HMG20A: variants seen among roughly 807,000 people sequenced by gnomAD.
HMG20A encodes high mobility group protein 20A.
In HMG20A, 17 loss-of-function variants were observed where a neutral mutation model predicts 43.9. The observed-to-expected ratio is 0.39, with a 90% CI of 0.27 to 0.58. The LOEUF is 0.58. Ranked by LOEUF, HMG20A falls within the 20% of genes least tolerant of loss-of-function variation. The pLI is 0.59. For missense variants in HMG20A, 341 were observed against 438.2 expected, an observed-to-expected ratio of 0.78 and a Z score of 1.98; for synonymous variants, 132 against 147.5, an observed-to-expected ratio of 0.89 and a Z score of 0.76.
chr15:77,508,997 GA>G, the HMG20A span, among the ~76,000 whole-genome samples: 1 of 152,196 alleles, frequency 6.6e-6, no homozygotes, highest in Non-Finnish European at 1.5e-5. Context: ...AGCAAAGATG[GA>G]TCGTGAACCT....
chr15:77,473,633 A>G (rs1595930456), intron 6 of HMG20A, among the ~76,000 whole-genome samples: 1 of 152,242 alleles, frequency 6.6e-6, no homozygotes, highest in African/African-American at 2.4e-5. Context: ...ATGTAGATTT[A>G]GTCTGTATCA....
intron 1 of HMG20A, among the ~76,000 whole-genome samples, chr15:77,443,113 A>G (rs2073631015): frequency 6.8e-6 from 1 of 147,306 alleles, no homozygotes; most frequent in Admixed American, 6.8e-5. Flanking sequence ...CATCACTGCA[A>G]CCTCCACCTC....
chr15:77,421,718 T>C (rs971681878), intron 1 of HMG20A, among the ~76,000 whole-genome samples: 1 of 152,256 alleles, frequency 6.6e-6, no homozygotes, highest in African/African-American at 2.4e-5. Flanking sequence ...TGAGGTTACC[T>C]TAACTGATAA....
chr15:77,448,743 A>T (rs921494563), intron 1 of HMG20A, among the ~76,000 whole-genome samples: 3 of 152,172 alleles, frequency 2.0e-5, no homozygotes, highest in Non-Finnish European at 4.4e-5. Flanking sequence ...TGAATGGATC[A>T]GTTTCTCTAT....
At chr15:77,432,845 G>A (rs1456033196) in intron 1 of HMG20A, among the ~76,000 whole-genome samples, 13 of 148,060 alleles carry the variant, frequency 8.8e-5, no homozygotes, top group Non-Finnish European at 1.8e-4. Flanking sequence ...AAAAAAAAAA[G>A]AGCATAAATT....
the HMG20A span, among the ~76,000 whole-genome samples, chr15:77,516,152 A>G: frequency 3.9e-5 from 6 of 152,180 alleles, no homozygotes; most frequent in African/African-American, 1.4e-4. Context: ...TGGTGCTCTG[A>G]TTTCATTTTC....
At chr15:77,438,365 T>A (rs1370903610) in intron 1 of HMG20A, among the ~76,000 whole-genome samples, 1 of 152,074 alleles carries the variant, frequency 6.6e-6, no homozygotes, top group Non-Finnish European at 1.5e-5. Flanking sequence ...TTTACAATAT[T>A]GTTTGTAAAT....
chr15:77,439,823 TCCC>T (rs2073591680), intron 1 of HMG20A, among the ~76,000 whole-genome samples: 1 of 152,178 alleles, frequency 6.6e-6, no homozygotes, highest in Non-Finnish European at 1.5e-5. Flanking sequence ...AAAATGATTG[TCCC>T]CATTTAGATT....
the HMG20A span, among the ~76,000 whole-genome samples, chr15:77,507,829 G>T: frequency 4.9e-4 from 75 of 152,160 alleles, 1 homozygote; most frequent in Middle Eastern, 3.4e-3. Flanking sequence ...GCACAGGGGT[G>T]GGTAAAGATA....
chr15:77,427,774 A>C (rs1010728881), intron 1 of HMG20A, among the ~76,000 whole-genome samples: 2 of 152,240 alleles, frequency 1.3e-5, no homozygotes, highest in African/African-American at 4.8e-5. Context: ...GATTCAGACC[A>C]CACTGAGCCA....
intron 1 of HMG20A, among the ~76,000 whole-genome samples, chr15:77,423,965 T>A (rs1462617701): frequency 6.6e-6 from 1 of 152,208 alleles, no homozygotes; most frequent in Non-Finnish European, 1.5e-5. Flanking sequence ...AAGCAAAAGT[T>A]TAGAGTGTCT....
chr15:77,511,884 T>A, the HMG20A span, among the ~76,000 whole-genome samples: 1 of 152,220 alleles, frequency 6.6e-6, no homozygotes, highest in South Asian at 2.1e-4. Flanking sequence ...AATTACCATA[T>A]GATCCAGCAA....
At chr15:77,486,180 G>A (rs544037247), downstream of HMG20A, among the ~76,000 whole-genome samples, 2 of 150,676 alleles carry the variant, frequency 1.3e-5, no homozygotes, top group Admixed American at 1.3e-4. Flanking sequence ...TTACAAGGAT[G>A]TTTTTAAAGT....
At chr15:77,480,127 CA>C (rs201014148) in intron 9 of HMG20A, among the ~76,000 whole-genome samples, 1 of 141,532 alleles carries the variant, frequency 7.1e-6, no homozygotes, top group Non-Finnish European at 1.6e-5. Context: ...CCCGTATCTA[CA>C]AAAAATACAA....
the HMG20A span, among the ~76,000 whole-genome samples, chr15:77,499,533 CCA>C: frequency 9.4e-4 from 142 of 151,532 alleles, no homozygotes; most frequent in Non-Finnish European, 1.6e-3. Context: ...ATGCTCCCCC[CCA>C]CACACACACA....
the HMG20A span, among the ~76,000 whole-genome samples, chr15:77,503,868 C>A: frequency 7.9e-5 from 12 of 152,108 alleles, no homozygotes; most frequent in Non-Finnish European, 1.2e-4. Flanking sequence ...GTCTCTGGAT[C>A]CCACTTTGAA....
chr15:77,519,890 G>A, the HMG20A span, among the ~76,000 whole-genome samples: 1 of 152,128 alleles, frequency 6.6e-6, no homozygotes, highest in South Asian at 2.1e-4. Flanking sequence ...GCTTATCCAG[G>A]AAATACAGAT....
chr15:77,421,365 C>T lies in HMG20A; in HGVS notation c.-5+361C>T, dbSNP rs2073333534. The stretch of plus-strand genomic sequence containing the variant: ...GTTGTGCTGAACACCAACCTGCAGT[C>T]AGAATTTATGAGTTTGCTTCCACGT... On this transcript the variant is annotated intron_variant, in intron 1 of 9. Coordinates refer to ENST00000336216, the MANE Select transcript of HMG20A (RefSeq NM_001304504.2). 3.9e-5 allele frequency among the ~76,000 whole-genome samples: 6 copies of T among 152,328 alleles called. No homozygotes were observed. The South Asian group carries it at 1.2e-3, about 32-fold the overall frequency.
At chr15:77,495,513 C>T in the HMG20A span, among the ~76,000 whole-genome samples, 3 of 152,156 alleles carry the variant, frequency 2.0e-5, no homozygotes, top group African/African-American at 7.2e-5. Context: ...TGTGCCATTG[C>T]ACTCCAGCCT....
Sources: allele counts gnomAD v4.1 joint callset (sites outside exome capture counted in the v4.1 genomes callset), GRCh38; gene constraint gnomAD v4.1.1; transcripts MANE v1.5; gene names NCBI Gene and HGNC (gene_info 2026-07-23, HGNC 2026-07-21).